The following EXOC1 variants were observed in gnomAD, a reference collection of about 807,000 sequenced individuals.
EXOC1 encodes exocyst complex component 1.
In EXOC1, 67 loss-of-function variants were observed where a neutral mutation model predicts 107.7. That is an observed-to-expected ratio of 0.62 (90% CI 0.51 to 0.76). The LOEUF is 0.76. EXOC1 is among the 30% of genes least tolerant of loss of function. EXOC1 has a pLI of 0.00. For missense variants in EXOC1, 833 were observed against 1,055.7 expected, an observed-to-expected ratio of 0.79 and a Z score of 2.92; for synonymous variants, 348 against 353.5, an observed-to-expected ratio of 0.98 and a Z score of 0.17.
chr4:55,853,968 G>A lies in EXOC1; in HGVS notation c.-11+15G>A. 6.6e-6 allele frequency: 1 copy of A among 152,458 alleles called. No individual in the cohort carries two copies. Among genetic ancestry groups the A allele is most frequent in the Non-Finnish European group, 1.5e-5 (1 of 68,156 alleles). The allele number at this position is 152,458 out of a possible 1,614,324, so 9.4% of individuals were successfully genotyped here. A position where few individuals can be genotyped will look rare whatever the true frequency, so the allele number is the denominator to read the frequency against. On this transcript the variant is annotated intron_variant, in intron 1 of 18. Transcript: ENST00000381295. ...CGTTTGTCCCGGTAAGACGAAGTTTGGTCAGAGCATTCTCCAGTCCCTTGT... is the reference window on the plus strand; with the variant it reads ...CGTTTGTCCCGGTAAGACGAAGTTTAGTCAGAGCATTCTCCAGTCCCTTGT...
intron 4 of EXOC1, among the ~76,000 whole-genome samples, chr4:55,866,172 T>C (rs1721942154): frequency 6.6e-6 from 1 of 152,192 alleles, no homozygotes; most frequent in Admixed American, 6.6e-5. Flanking sequence ...AGTAAGACTA[T>C]TTTGATTATA....
chr4:55,896,959 T>G, intron 16 of EXOC1, 59 bp downstream of exon 16: 1 of 1,415,264 alleles, frequency 7.1e-7, no homozygotes, highest in Non-Finnish European at 9.5e-7. Flanking sequence ...TTCTGGTAAC[T>G]AAGAAATCGG....
At chr4:55,855,513 A>T (rs1283326904) in intron 1 of EXOC1, among the ~76,000 whole-genome samples, 1 of 152,212 alleles carries the variant, frequency 6.6e-6, no homozygotes, top group African/African-American at 2.4e-5. Flanking sequence ...TAGGAATACA[A>T]AGATGATTAA....
At position 55,878,079 on chromosome 4, in the gene EXOC1, C is replaced by T. The variant is rs758288712; in HGVS notation, c.1224+13C>T. The T allele has an allele frequency of 5.0e-6, 8 of 1,609,944 alleles. No individual in the cohort carries two copies. The highest frequency in any genetic ancestry group is 1.7e-5 in the Admixed American group (1 of 59,030). The stretch of plus-strand genomic sequence containing the variant: ...AGGACTAACAAAGGTATGGATTTGA[C>T]GTCATTTACTCACTGAGAATAGAGC... On this transcript the variant is annotated intron_variant, in intron 9 of 18. Coordinates refer to ENST00000381295, the MANE Select transcript of EXOC1 (RefSeq NM_001024924.2).
At chr4:55,857,580 A>C (rs1289677424) in intron 1 of EXOC1, among the ~76,000 whole-genome samples, 1 of 152,208 alleles carries the variant, frequency 6.6e-6, no homozygotes, top group South Asian at 2.1e-4. Flanking sequence ...GGCTATTGCA[A>C]ATAGTGCTAC....
intron 9 of EXOC1, chr4:55,882,668 T>A (rs1391868716): frequency 6.6e-6 from 1 of 152,206 alleles, no homozygotes; most frequent in Non-Finnish European, 1.5e-5. Context: ...AATGCTATTT[T>A]ATAAGAATAC....
intron 9 of EXOC1, chr4:55,882,592 T>C (rs866675062): frequency 7.9e-5 from 12 of 152,212 alleles, no homozygotes; most frequent in African/African-American, 2.9e-4. Context: ...TACAGAGATA[T>C]GTGAAAAATG....
At chr4:55,883,704 A>G (rs1176191678) in intron 9 of EXOC1, 119 bp from the exon 10 acceptor site, 2 of 552,778 alleles carry the variant, frequency 3.6e-6, no homozygotes, top group Admixed American at 8.3e-5. Flanking sequence ...ATCCTGTGAA[A>G]TACATCAAAG....
rs761755575 is a variant in EXOC1 at position 55,890,262 on chromosome 4, C to G, written c.1415C>G (p.Ser472Cys). The part of the protein sequence containing the change: ...GSSGKLTGST[S>C]SLNKLSVQSS... ...TCGGGGAAATTAACTGGATCTACTT[C>G]TAGTCTAAATAAGCTCAGTGTTCAG... Residue 472 changes from serine to cysteine, a missense_variant, in exon 12 of 19, where the codon TCT becomes TGT. Around this residue, in one of 2 missense-constraint regions of EXOC1, gnomAD observed 617 missense variants for 701.3 expected, o/e 0.88. Transcript: ENST00000381295. The G allele has an allele frequency of 1.2e-6, 2 of 1,613,994 alleles. No homozygotes were observed. The highest frequency in any genetic ancestry group is 1.7e-6 in the Non-Finnish European group (2 of 1,179,924).
At chr4:55,870,477 T>C (rs1352255601) in intron 5 of EXOC1, among the ~76,000 whole-genome samples, 2 of 152,240 alleles carry the variant, frequency 1.3e-5, no homozygotes, top group South Asian at 2.1e-4. Context: ...CAAGTGTACC[T>C]GCATGAAATA....
At chr4:55,901,210 A>G (rs1725869172) in intron 17 of EXOC1, among the ~76,000 whole-genome samples, 2 of 152,212 alleles carry the variant, frequency 1.3e-5, no homozygotes, top group African/African-American at 4.8e-5. Flanking sequence ...CCACCTGTAT[A>G]TGATATGTTG....
chr4:55,865,075 A>G (rs1010429489), intron 4 of EXOC1, among the ~76,000 whole-genome samples: 2 of 152,222 alleles, frequency 1.3e-5, no homozygotes, highest in African/African-American at 4.8e-5. Context: ...TGAGGATTAA[A>G]TTACTTAATA....
In EXOC1 at chr4:55,891,370, T is replaced by TC. The variant is rs761727190; in HGVS notation, c.1596dup (p.Ile533HisfsTer3). 6.2e-7 allele frequency: 1 copy of TC among 1,614,024 alleles called. No homozygotes were observed. Among genetic ancestry groups the TC allele is most frequent in the Non-Finnish European group, 8.5e-7 (1 of 1,179,960 alleles). On this transcript the variant is annotated frameshift_variant, in exon 13 of 19. Transcript: ENST00000381295. LOFTEE classifies it high-confidence loss of function. ...CCCCTATGTCTGGCAGAACAGGACT[T>TC]CATAAGTAAATTTTTCAAACTACAG...
intron 5 of EXOC1, among the ~76,000 whole-genome samples, chr4:55,869,168 C>T (rs556363011): frequency 2.6e-5 from 4 of 151,836 alleles, no homozygotes; most frequent in African/African-American, 9.7e-5. Flanking sequence ...GAATTCGAGA[C>T]GAGCCTGGCC....
At chr4:55,858,664 A>C (rs187154150) in intron 2 of EXOC1, among the ~76,000 whole-genome samples, 130 of 152,292 alleles carry the variant, frequency 8.5e-4, no homozygotes, top group Non-Finnish European at 1.6e-3. Flanking sequence ...ATATTTCCCT[A>C]TAATGATGAG....
chr4:55,864,531 C>T, intron 4 of EXOC1, 145 bp downstream of exon 4: 2 of 730,376 alleles, frequency 2.7e-6, no homozygotes, highest in South Asian at 4.5e-5. Flanking sequence ...AGAAATTATG[C>T]TTGTTTATTG....
At chr4:55,863,791 T>C (rs1721703340) in intron 3 of EXOC1, among the ~76,000 whole-genome samples, 3 of 152,224 alleles carry the variant, frequency 2.0e-5, no homozygotes, top group African/African-American at 7.2e-5. Flanking sequence ...TTAGAAGATA[T>C]AGTCCTTATT....
chr4:55,880,075 G>A (rs528685704), intron 9 of EXOC1, among the ~76,000 whole-genome samples: 1 of 152,154 alleles, frequency 6.6e-6, no homozygotes, highest in South Asian at 2.1e-4. Flanking sequence ...TTTATGAAAA[G>A]TGTGATAGTA....
At chr4:55,882,043 A>T (rs1723433097) in intron 9 of EXOC1, among the ~76,000 whole-genome samples, 1 of 152,206 alleles carries the variant, frequency 6.6e-6, no homozygotes, top group Admixed American at 6.5e-5. Context: ...AGTAGAGAAG[A>T]TGGTGAACTA....
Sources: allele counts gnomAD v4.1 joint callset (sites outside exome capture counted in the v4.1 genomes callset), GRCh38; gene constraint gnomAD v4.1.1; regional missense constraint gnomAD v4.1.1; transcripts MANE v1.5; gene names NCBI Gene and HGNC (gene_info 2026-07-23, HGNC 2026-07-21).